IL5RA: variants seen among roughly 807,000 people sequenced by gnomAD.
The protein encoded by IL5RA is interleukin-5 receptor subunit alpha.
Under a neutral mutation model 50.0 loss-of-function variants are expected in IL5RA, and 49 were observed. That is an observed-to-expected ratio of 0.98 (90% CI 0.78 to 1.24). The LOEUF is 1.24. IL5RA is among the 50% of genes most tolerant of loss of function. The probability of loss-of-function intolerance (pLI) is 0.00; values close to 1 mark genes in which losing one functional copy is unlikely to be tolerated. For synonymous variants in IL5RA, 202 were observed against 174.0 expected (o/e 1.16, Z -1.26); for missense variants, 600 against 500.4 (o/e 1.20, Z -1.90).
At chr3:3,089,111 T>C (rs1702987978) in intron 9 of IL5RA, among the ~76,000 whole-genome samples, 1 of 152,044 alleles carries the variant, frequency 6.6e-6, no homozygotes, top group East Asian at 1.9e-4. Context: ...AGGGGAAGAT[T>C]GGTCTCAACA....
intron 9 of IL5RA, among the ~76,000 whole-genome samples, chr3:3,082,567 A>G (rs1434427948): frequency 6.6e-6 from 1 of 152,202 alleles, no homozygotes; most frequent in Non-Finnish European, 1.5e-5. Flanking sequence ...ATTATTTTTG[A>G]CATCTTAAGC....
At chr3:3,098,404 T>C in intron 5 of IL5RA, 114 bp from the exon 6 acceptor site, 1 of 895,264 alleles carries the variant, frequency 1.1e-6, no homozygotes, top group Non-Finnish European at 1.7e-6. Flanking sequence ...AAAATAATCA[T>C]CTTCACATTT....
At chr3:3,106,799 C>T (rs1703943192) in intron 2 of IL5RA, among the ~76,000 whole-genome samples, 1 of 152,070 alleles carries the variant, frequency 6.6e-6, no homozygotes, top group African/African-American at 2.4e-5. Context: ...TCTGATTTTG[C>T]ACTAATTTTC....
chr3:3,101,761 T>C lies in IL5RA; in HGVS notation c.298A>G (p.Thr100Ala). ...AGTGAGTGGTCGTTCTGCAGGATGG[T>C]CCGCACACTTGCTGAAAAGCCTTTG... ...LHKGFSASVR[T>A]ILQNDHSLLA... is the part of the protein sequence containing the mutation. The change falls in exon 5 of 12, where the codon ACC (threonine) becomes GCC (alanine). Residue 100 changes from threonine to alanine, a missense_variant. Transcript: ENST00000446632. 1 of 1,614,112 alleles carries C rather than the reference T, an allele frequency of 6.2e-7. No homozygotes were observed. The highest frequency in any genetic ancestry group is 8.5e-7 in the Non-Finnish European group (1 of 1,179,962).
intron 9 of IL5RA, chr3:3,090,050 T>C (rs1374359798): frequency 3.2e-6 from 2 of 617,142 alleles, no homozygotes; most frequent in Non-Finnish European, 5.5e-6. Flanking sequence ...CTGCCACTTG[T>C]TGGCCATGCA....
At chr3:3,082,393 G>A (rs1702698577) in intron 9 of IL5RA, among the ~76,000 whole-genome samples, 1 of 152,192 alleles carries the variant, frequency 6.6e-6, no homozygotes, top group Non-Finnish European at 1.5e-5. Context: ...CTGCCATTTG[G>A]TTATGCAAAG....
At chr3:3,087,821 A>C (rs1476154276) in intron 9 of IL5RA, among the ~76,000 whole-genome samples, 1 of 152,224 alleles carries the variant, frequency 6.6e-6, no homozygotes, top group African/African-American at 2.4e-5. Context: ...TTATTGCTGC[A>C]TCCTCAAGGG....
rs1189746956 is a variant in IL5RA, at chr3:3,068,996, G to A, written c.*1229C>T. The A allele has an allele frequency of 6.6e-6, 1 of 152,194 alleles. No homozygotes were observed. The highest frequency in any genetic ancestry group is 1.5e-5 in the Non-Finnish European group (1 of 68,044). The allele number at this position is 152,194 out of a possible 1,614,324, so 9.4% of individuals were successfully genotyped here. A position where few individuals can be genotyped will look rare whatever the true frequency, so the allele number is the denominator to read the frequency against. Reference sequence around the variant, plus strand: ...AAACAAACAAACCTGGAAATATATGGTAGTCAGTGTGTCCCCACCGATGGA... The same window carrying A: ...AAACAAACAAACCTGGAAATATATGATAGTCAGTGTGTCCCCACCGATGGA... On this transcript the variant is annotated 3_prime_UTR_variant, in exon 12 of 12. Coordinates refer to ENST00000446632, the MANE Select transcript of IL5RA (RefSeq NM_175726.4).
chr3:3,070,560 C>T (rs1289885321), intron 11 of IL5RA, among the ~76,000 whole-genome samples: 1 of 138,426 alleles, frequency 7.2e-6, no homozygotes, highest in Non-Finnish European at 1.5e-5. Flanking sequence ...TACTTGAAGT[C>T]ATATGGATAC....
chr3:3,096,290 AAG>A (rs1491038863), intron 7 of IL5RA, among the ~76,000 whole-genome samples: 30 of 1,620 alleles, frequency 0.019, no homozygotes, highest in African/African-American at 0.023. Context: ...AAAAAAAAAA[AAG>A]AAGAAGAAGA....
Position 3,080,672 on chromosome 3 carries a change from T to C in IL5RA, c.995-4045A>G, listed in dbSNP as rs182697932. On this transcript the variant is annotated intron_variant, in intron 9 of 11. Coordinates refer to ENST00000446632, the MANE Select transcript of IL5RA (RefSeq NM_175726.4). ...CAAACTCTAGGTGGGACTGAAGCCC[T>C]TTATTAAAAACCTATGGCTATACTA... 2.5e-3 allele frequency among the ~76,000 whole-genome samples: 374 copies of C among 152,310 alleles called. 1 individual carries two copies. The highest frequency in any genetic ancestry group is 3.5e-3 in the Non-Finnish European group (235 of 68,024).
Position 3,070,028 on chromosome 3 carries a change from C to T in IL5RA, c.*197G>A. 1.9e-6 allele frequency: 1 copy of T among 520,852 alleles called. No homozygotes were observed. The highest frequency in any genetic ancestry group is 3.1e-5 in the South Asian group (1 of 32,058). 32.3% of individuals were successfully genotyped at this position (520,852 alleles called of 1,614,324 possible). On this transcript the variant is annotated 3_prime_UTR_variant, in exon 12 of 12. Coordinates refer to ENST00000446632, the MANE Select transcript of IL5RA (RefSeq NM_175726.4). The stretch of plus-strand genomic sequence containing the variant: ...ATGCTTGGATGAGTCAACTTCCCTG[C>T]TGTAGGTGAGGCGATTTGGATGAAG...
rs1297513765 is a variant in IL5RA at position 3,068,609 on chromosome 3, C to CAAAAAAA, written c.*1615_*1616insTTTTTTT. 1.8e-5 allele frequency: 1 copy of CAAAAAAA among 55,428 alleles called. No homozygotes were observed. Among genetic ancestry groups the CAAAAAAA allele is most frequent in the African/African-American group, 5.2e-5 (1 of 19,318 alleles). 3.4% of individuals were successfully genotyped at this position (55,428 alleles called of 1,614,324 possible). On this transcript the variant is annotated 3_prime_UTR_variant, in exon 12 of 12. Transcript: ENST00000446632. ...CCACAAAAAAAAAAAAAAAAAAAAA[C>CAAAAAAA]AAAAACAGGTTTGAGATTATGAATC...
chr3:3,081,117 C>A (rs1335572747), intron 9 of IL5RA, among the ~76,000 whole-genome samples: 5 of 152,254 alleles, frequency 3.3e-5, no homozygotes, highest in Admixed American at 1.3e-4. Context: ...AGTGGCAAAG[C>A]TTTTGTCTTC....
intron 9 of IL5RA, 32 bp from the exon 10 acceptor site, chr3:3,076,659 A>G: frequency 7.1e-7 from 1 of 1,411,804 alleles, no homozygotes; most frequent in Non-Finnish European, 1.0e-6. Flanking sequence ...ACAAAAAAAT[A>G]TAAAGTCCAA....
In IL5RA at chr3:3,101,747, G is replaced by A. The variant is rs370245974; in HGVS notation, c.312C>T (p.Asn104=). Residue 104 remains asparagine (N), a synonymous_variant, in exon 5 of 12, where the codon AAC becomes AAT. Transcript: ENST00000446632. The part of the protein sequence containing the change: ...FSASVRTILQ[N]DHSLLASSWA... Reference sequence around the variant, plus strand: ...AGCTGCTGGCCAGTAGTGAGTGGTCGTTCTGCAGGATGGTCCGCACACTTG... The same window carrying A: ...AGCTGCTGGCCAGTAGTGAGTGGTCATTCTGCAGGATGGTCCGCACACTTG... 23 of 1,614,020 alleles carry A rather than the reference G, an allele frequency of 1.4e-5. No individual in the cohort carries two copies. The highest frequency in any genetic ancestry group is 1.6e-4 in the Middle Eastern group (1 of 6,080).
intron 3 of IL5RA, among the ~76,000 whole-genome samples, chr3:3,104,511 C>A (rs917276163): frequency 7.9e-5 from 12 of 152,184 alleles, no homozygotes; most frequent in Admixed American, 7.2e-4. Flanking sequence ...TTTCCTTAAA[C>A]TCTGTCATCA....
intron 9 of IL5RA, among the ~76,000 whole-genome samples, chr3:3,088,021 A>G (rs936104791): frequency 6.6e-6 from 1 of 152,228 alleles, no homozygotes; most frequent in Non-Finnish European, 1.5e-5. Flanking sequence ...CATCTTCATG[A>G]AAAGGATGGC....
intron 9 of IL5RA, among the ~76,000 whole-genome samples, chr3:3,089,262 G>T (rs1475889144): frequency 1.3e-5 from 2 of 152,218 alleles, no homozygotes; most frequent in African/African-American, 4.8e-5. Context: ...TGAGCTGGTT[G>T]TGTGTTGCAC....
Sources: allele counts gnomAD v4.1 joint callset (sites outside exome capture counted in the v4.1 genomes callset), GRCh38; gene constraint gnomAD v4.1.1; transcripts MANE v1.5; gene names NCBI Gene and HGNC (gene_info 2026-07-23, HGNC 2026-07-21).